RAB2A: variants seen among roughly 807,000 people sequenced by gnomAD.
RAB2A encodes ras-related protein Rab-2A.
Under a neutral mutation model 32.5 loss-of-function variants are expected in RAB2A, and 7 were observed. That is an observed-to-expected ratio of 0.22 (90% CI 0.12 to 0.40). The LOEUF (loss-of-function observed/expected upper bound fraction) is 0.40, where lower values mean the gene tolerates loss of function less well. Among genes scored for constraint, RAB2A ranks in the 10% least tolerant of loss-of-function variants. The pLI is 1.00. For synonymous variants in RAB2A, 79 were observed against 85.2 expected (o/e 0.93, Z 0.40); for missense variants, 108 against 260.7 (o/e 0.41, Z 4.03).
chr8:60,521,544 G>A (rs1355835491), intron 1 of RAB2A, among the ~76,000 whole-genome samples: 2 of 152,164 alleles, frequency 1.3e-5, no homozygotes, highest in African/African-American at 4.8e-5. Flanking sequence ...CTCCTGATTG[G>A]CGTAGGGGCT....
intron 6 of RAB2A, among the ~76,000 whole-genome samples, chr8:60,617,586 T>C (rs924858332): frequency 6.6e-6 from 1 of 152,106 alleles, no homozygotes; most frequent in African/African-American, 2.4e-5. Flanking sequence ...GCTTTTAAAC[T>C]ATACAATTCG....
chr8:60,540,668 G>C (rs72648590), intron 1 of RAB2A, among the ~76,000 whole-genome samples: 22,594 of 152,186 alleles, frequency 0.15, 1,839 homozygotes, highest in East Asian at 0.26. Context: ...TTTTAGTAGA[G>C]TTGGGCTTTC....
intron 6 of RAB2A, among the ~76,000 whole-genome samples, chr8:60,597,468 A>G (rs1260111357): frequency 6.6e-6 from 1 of 152,192 alleles, no homozygotes; most frequent in African/African-American, 2.4e-5. Context: ...GGGGAAGGAT[A>G]GCATTAGGAG....
chr8:60,605,852 T>TATATATATATATATATATATATATAA (rs777621349), intron 6 of RAB2A, among the ~76,000 whole-genome samples: 24 of 144,754 alleles, frequency 1.7e-4, no homozygotes, highest in East Asian at 2.0e-4. Flanking sequence ...TATATATATA[T>TATATATATATATATATATATATATAA]AATGCTTCAT....
intron 2 of RAB2A, among the ~76,000 whole-genome samples, chr8:60,562,729 C>T (rs1378004950): frequency 6.6e-6 from 1 of 152,060 alleles, no homozygotes; most frequent in East Asian, 1.9e-4. Context: ...TGTTCATTGT[C>T]GATAATGATA....
intron 1 of RAB2A, among the ~76,000 whole-genome samples, chr8:60,535,077 G>A (rs1365188885): frequency 1.3e-5 from 2 of 152,168 alleles, no homozygotes. Context: ...AAGTACTACT[G>A]AGTAGTATTC....
chr8:60,581,713 A>G (rs1803753369), intron 3 of RAB2A, among the ~76,000 whole-genome samples: 1 of 152,274 alleles, frequency 6.6e-6, no homozygotes, highest in African/African-American at 2.4e-5. Context: ...TGCCTTCAGA[A>G]CAGTGAATTT....
At chr8:60,567,084 G>T (rs1247603154) in intron 2 of RAB2A, among the ~76,000 whole-genome samples, 1 of 151,224 alleles carries the variant, frequency 6.6e-6, no homozygotes, top group Non-Finnish European at 1.5e-5. Context: ...CTGTTTGAGG[G>T]TGCCAAAATA....
At chr8:60,601,732 AC>A (rs1225905233) in intron 6 of RAB2A, among the ~76,000 whole-genome samples, 1 of 152,234 alleles carries the variant, frequency 6.6e-6, no homozygotes, top group Non-Finnish European at 1.5e-5. Context: ...TAGAAGAAAA[AC>A]CGCATTCATT....
intron 1 of RAB2A, among the ~76,000 whole-genome samples, chr8:60,526,816 A>T (rs904668206): frequency 7.2e-5 from 11 of 152,068 alleles, no homozygotes; most frequent in African/African-American, 2.7e-4. Context: ...TAAAATACAA[A>T]AAATTAGCCA....
At chr8:60,537,271 G>C (rs1388795001) in intron 1 of RAB2A, among the ~76,000 whole-genome samples, 1 of 152,108 alleles carries the variant, frequency 6.6e-6, no homozygotes, top group African/African-American at 2.4e-5. Flanking sequence ...GCCTGGGCTG[G>C]AGTCTAATGG....
intron 1 of RAB2A, among the ~76,000 whole-genome samples, chr8:60,519,067 G>C (rs1280078711): frequency 6.6e-6 from 1 of 152,164 alleles, no homozygotes; most frequent in Non-Finnish European, 1.5e-5. Context: ...TCCAAAAGCA[G>C]TCCCCACGCA....
At chr8:60,542,828 T>C (rs574151799) in intron 1 of RAB2A, among the ~76,000 whole-genome samples, 2 of 152,350 alleles carry the variant, frequency 1.3e-5, no homozygotes, top group South Asian at 4.1e-4. Flanking sequence ...CACTTTGCAG[T>C]TTCCAGGAGA....
intron 6 of RAB2A, among the ~76,000 whole-genome samples, chr8:60,613,831 C>T (rs893968059): frequency 1.3e-5 from 2 of 152,136 alleles, no homozygotes; most frequent in Non-Finnish European, 2.9e-5. Flanking sequence ...TTAACTTAGG[C>T]AAATGGATAA....
intron 6 of RAB2A, among the ~76,000 whole-genome samples, chr8:60,607,485 G>A (rs74326531): frequency 0.021 from 3,094 of 149,162 alleles, 98 homozygotes; most frequent in African/African-American, 0.073. Context: ...TTATGTTGCC[G>A]AGGCTTGTCT....
intron 1 of RAB2A, among the ~76,000 whole-genome samples, chr8:60,525,891 T>C (rs536510459): frequency 8.0e-5 from 12 of 149,742 alleles, no homozygotes; most frequent in African/African-American, 2.7e-4. Flanking sequence ...TATATATATA[T>C]ATTTTTTAGT....
Position 60,584,596 on chromosome 8 carries a change from TAA to T in RAB2A, c.270-124_270-123del, listed in dbSNP as rs1172670413. 4 of 746,834 alleles carry T rather than the reference TAA, an allele frequency of 5.4e-6. No homozygotes were observed. In the African/African-American group the frequency reaches 7.1e-5, roughly 13 times the overall value. 46.3% of individuals were successfully genotyped at this position (746,834 alleles called of 1,614,324 possible). Reference sequence around the variant, plus strand: ...GAACTCTAAACCCAGATATGGTGCTTAAAACTACTTCTCGTTACATAAGTGGA... The same window carrying T: ...GAACTCTAAACCCAGATATGGTGCTTAACTACTTCTCGTTACATAAGTGGA... On this transcript the variant is annotated intron_variant, in intron 4 of 7. Coordinates refer to ENST00000262646, the MANE Select transcript of RAB2A (RefSeq NM_002865.3).
chr8:60,603,926 T>G (rs1804180138), intron 6 of RAB2A, among the ~76,000 whole-genome samples: 1 of 152,070 alleles, frequency 6.6e-6, no homozygotes, highest in African/African-American at 2.4e-5. Flanking sequence ...AAATAGATGC[T>G]TGATTGATAG....
At chr8:60,574,323 A>C (rs1808238165) in intron 3 of RAB2A, among the ~76,000 whole-genome samples, 1 of 152,172 alleles carries the variant, frequency 6.6e-6, no homozygotes, top group Non-Finnish European at 1.5e-5. Flanking sequence ...GGAAGGATCC[A>C]CCTATATCTT....
Sources: gnomAD v4.1 joint callset for allele counts (sites outside exome capture counted in the v4.1 genomes callset) on GRCh38, gnomAD v4.1.1 for gene constraint, MANE v1.5 for transcripts, NCBI Gene and HGNC (gene_info 2026-07-23, HGNC 2026-07-21) for gene names.